PLEKHN1: variants seen among roughly 807,000 people sequenced by gnomAD.
PLEKHN1 encodes the protein pleckstrin homology domain containing N1, also known as pleckstrin homology domain-containing family N member 1.
A neutral mutation model predicts 72.8 loss-of-function variants in PLEKHN1; 68 were observed. The ratio of observed to expected loss-of-function variants is 0.93; its 90% CI spans 0.77 to 1.14. The LOEUF (loss-of-function observed/expected upper bound fraction) is 1.14, where lower values mean the gene tolerates loss of function less well. Among genes scored for constraint, PLEKHN1 ranks in the 50% most tolerant of loss-of-function variants. PLEKHN1 has a pLI of 0.00. For missense variants in PLEKHN1, 1,015 were observed against 840.5 expected (o/e 1.21, Z -2.57); for synonymous variants, 454 against 371.6 (o/e 1.22, Z -2.55).
rs1255022636 is a variant in PLEKHN1 at position 974,927 on chromosome 1, GAGAA to G, written c.*355_*358del. ...GCACGGGCGTGAAGGTCGGAGGACA[GAGAA>G]AGGTCAGCAGGGTCAGAGTATGTGA... On this transcript the variant is annotated 3_prime_UTR_variant, in exon 16 of 16. Transcript: ENST00000379410. 1 of 311,580 alleles carries G rather than the reference GAGAA, an allele frequency of 3.2e-6. No homozygotes were observed. The highest frequency in any genetic ancestry group is 6.1e-6 in the Non-Finnish European group (1 of 164,172). 19.3% of individuals were successfully genotyped at this position (311,580 alleles called of 1,614,324 possible).
rs1570042179 is a variant in PLEKHN1, at chr1:972,477, G to A, written c.1002+53G>A. 4.7e-6 allele frequency: 7 copies of A among 1,496,382 alleles called. No homozygotes were observed. In the East Asian group the frequency reaches 1.2e-4, roughly 26 times the overall value. 92.7% of individuals were successfully genotyped at this position (1,496,382 alleles called of 1,614,324 possible). A position where few individuals can be genotyped will look rare whatever the true frequency, so the allele number is the denominator to read the frequency against. On this transcript the variant is annotated intron_variant, in intron 10 of 15. Coordinates refer to ENST00000379410, the MANE Select transcript of PLEKHN1 (RefSeq NM_032129.3). ...AGGTCCTGGGCAGTGGTAAAAAGGG[G>A]GCAGCAGACCGGGCGTGGTGGCGCA... is the stretch of plus-strand genomic sequence containing the variant.
chr1:967,382 C>CG (rs1643063349), intron 2 of PLEKHN1, among the ~76,000 whole-genome samples: 1 of 151,918 alleles, frequency 6.6e-6, no homozygotes, highest in African/African-American at 2.4e-5. Flanking sequence ...GCCCACCCCC[C>CG]CCCCAGCCCC....
At chr1:973,471 A>G in intron 12 of PLEKHN1, 29 bp from the exon 13 acceptor site, 1 of 1,608,852 alleles carries the variant, frequency 6.2e-7, no homozygotes, top group South Asian at 1.1e-5. Context: ...CTAGCCGAGA[A>G]GCCCATTTCT....
At chr1:969,560 A>G (rs1643182827) in intron 2 of PLEKHN1, among the ~76,000 whole-genome samples, 1 of 151,386 alleles carries the variant, frequency 6.6e-6, no homozygotes, top group African/African-American at 2.4e-5. Flanking sequence ...GTATGTGTAT[A>G]CATGTGTATG....
At chr1:973,375 G>A (rs759075039) in intron 12 of PLEKHN1, 49 bp downstream of exon 12, 48 of 1,556,712 alleles carry the variant, frequency 3.1e-5, no homozygotes, top group Admixed American at 2.0e-4. Context: ...CCACCGTTCC[G>A]CACCACTGGT....
At chr1:974,122 G>C in intron 14 of PLEKHN1, 71 bp downstream of exon 14, 2 of 1,492,548 alleles carry the variant, frequency 1.3e-6, no homozygotes, top group Non-Finnish European at 1.8e-6. Context: ...GGGGCCTCTT[G>C]GGACTCTGAG....
At chr1:972,576 A>T (rs1229163472) in intron 10 of PLEKHN1, 152 bp downstream of exon 10, 1 of 1,072,774 alleles carries the variant, frequency 9.3e-7, no homozygotes, top group Non-Finnish European at 1.3e-6. Flanking sequence ...GATCAGCCTG[A>T]CCGACGTGGA....
chr1:975,058 A>C lies in PLEKHN1; in HGVS notation c.*483A>C, dbSNP rs6685581. ...TGGGTCCTTGTGTGGCCTGGCGCGCACCACAGGGCAGCACGGGAGACGTTG... is the reference window on the plus strand; with the variant it reads ...TGGGTCCTTGTGTGGCCTGGCGCGCCCCACAGGGCAGCACGGGAGACGTTG... On this transcript the variant is annotated 3_prime_UTR_variant, in exon 16 of 16. Transcript: ENST00000379410. 6.3e-6 allele frequency: 1 copy of C among 157,732 alleles called. No individual in the cohort carries two copies. The highest frequency in any genetic ancestry group is 2.4e-5 in the African/African-American group (1 of 41,168). 9.8% of individuals were successfully genotyped at this position (157,732 alleles called of 1,614,324 possible). A position where few individuals can be genotyped will look rare whatever the true frequency, so the allele number is the denominator to read the frequency against.
At chr1:969,155 G>T (rs1228137641) in intron 2 of PLEKHN1, among the ~76,000 whole-genome samples, 2 of 152,142 alleles carry the variant, frequency 1.3e-5, no homozygotes, top group East Asian at 3.8e-4. Flanking sequence ...GGAGGGTTTT[G>T]AGTGTTACCC....
intron 7 of PLEKHN1, 28 bp downstream of exon 7, chr1:971,236 G>C (rs1476379158): frequency 1.2e-5 from 18 of 1,560,604 alleles, no homozygotes; most frequent in Non-Finnish European, 1.6e-5. Context: ...GGGGCTGTAG[G>C]GGGATGGGAG....
Position 970,240 on chromosome 1 carries a change from A to C in PLEKHN1, c.184-37A>C, listed in dbSNP as rs1180830754. 1 of 1,600,846 alleles carries C rather than the reference A, an allele frequency of 6.2e-7. No individual in the cohort carries two copies. The highest frequency in any genetic ancestry group is 8.5e-7 in the Non-Finnish European group (1 of 1,172,884). Reference sequence around the variant, plus strand: ...TGCGAGCGGAGGGGGTGGGGGGCCCAGGGGAGGCCCCCTCCCCTGAGCTCT... The same window carrying C: ...TGCGAGCGGAGGGGGTGGGGGGCCCCGGGGAGGCCCCCTCCCCTGAGCTCT... On this transcript the variant is annotated intron_variant, in intron 2 of 15. Transcript: ENST00000379410. The surrounding 1 kb of genome is among the most constrained non-coding windows in gnomAD (Gnocchi z 4.2).
chr1:970,241 G>A lies in PLEKHN1; in HGVS notation c.184-36G>A, dbSNP rs368876607. The A allele has an allele frequency of 4.3e-5, 69 of 1,605,242 alleles. 1 individual carries two copies. In the African/African-American group the frequency reaches 8.0e-4, roughly 19 times the overall value. ...GCGAGCGGAGGGGGTGGGGGGCCCA[G>A]GGGAGGCCCCCTCCCCTGAGCTCTA... is the stretch of plus-strand genomic sequence containing the variant. On this transcript the variant is annotated intron_variant, in intron 2 of 15. Coordinates refer to ENST00000379410, the MANE Select transcript of PLEKHN1 (RefSeq NM_032129.3). The surrounding 1 kb of genome is among the most constrained non-coding windows in gnomAD (Gnocchi z 4.2).
In PLEKHN1 at chr1:975,861, C is replaced by G. The variant is rs1643581894; in HGVS notation, c.*1286C>G. On this transcript the variant is annotated 3_prime_UTR_variant, in exon 16 of 16. Coordinates refer to ENST00000379410, the MANE Select transcript of PLEKHN1 (RefSeq NM_032129.3). ...CAACTTCTTAGTAAAATGACCTCCC[C>G]ACTATTGCCTGTCTGAAATTAACCG... 2 of 365,378 alleles carry G rather than the reference C, an allele frequency of 5.5e-6. No homozygotes were observed. The highest frequency in any genetic ancestry group is 1.0e-4 in the South Asian group (2 of 19,672). The allele number at this position is 365,378 out of a possible 1,614,324, so 22.6% of individuals were successfully genotyped here. A position where few individuals can be genotyped will look rare whatever the true frequency, so the allele number is the denominator to read the frequency against.
chr1:974,382 C>T lies in PLEKHN1; in HGVS notation c.1702+18C>T. On this transcript the variant is annotated intron_variant, in intron 15 of 15. Transcript: ENST00000379410. ...TCTGACAGGTGAGTAAGGATCCTGC[C>T]TCCTGAGGTGAGTGCCTGTTGCCTC... 1 of 1,613,032 alleles carries T rather than the reference C, an allele frequency of 6.2e-7. No homozygotes were observed. Among genetic ancestry groups the T allele is most frequent in the South Asian group, 1.1e-5 (1 of 91,086 alleles).
chr1:969,960 A>G (rs1643219598), intron 2 of PLEKHN1, among the ~76,000 whole-genome samples: 1 of 152,110 alleles, frequency 6.6e-6, no homozygotes, highest in Non-Finnish European at 1.5e-5. Context: ...CTGAGTGTGC[A>G]GGTTCTGTGC....
chr1:974,399 T>C, intron 15 of PLEKHN1, 35 bp downstream of exon 15: 1 of 1,612,910 alleles, frequency 6.2e-7, no homozygotes, highest in Non-Finnish European at 8.5e-7. Flanking sequence ...GGTGAGTGCC[T>C]GTTGCCTCCC....
chr1:974,528 C>A lies in PLEKHN1; in HGVS notation c.1789C>A (p.Gln597Lys), dbSNP rs866006704. Residue 597 changes from glutamine (Q) to lysine (K), a missense_variant, in exon 16 of 16, where the codon CAG becomes AAG. By Grantham distance (53) the Gln-to-Lys change is moderately conservative. Coordinates refer to ENST00000379410, the MANE Select transcript of PLEKHN1 (RefSeq NM_032129.3). The stretch of plus-strand genomic sequence containing the variant: ...GTCTTCCTCCCACCAGAAGTGCCCC[C>A]AGCTTGGAGGGCCTGAGGCCAGTGG... ...TLSSSHQKCP[Q>K]LGGPEASGGL... The A allele has an allele frequency of 6.2e-7, 1 of 1,612,528 alleles. No homozygotes were observed.
In PLEKHN1 at chr1:970,729, G is replaced by T. The variant is rs759883954; in HGVS notation, c.455G>T (p.Gly152Val). 6.2e-7 allele frequency: 1 copy of T among 1,606,512 alleles called. No individual in the cohort carries two copies. Among genetic ancestry groups the T allele is most frequent in the Non-Finnish European group, 8.5e-7 (1 of 1,175,950 alleles). The change falls in exon 5 of 16, where the codon GGG becomes GTG. Residue 152 changes from glycine to valine, a missense_variant. Physicochemically the swap from Gly to Val is moderately radical, Grantham distance 109 (BLOSUM62 -3). Coordinates refer to ENST00000379410, the MANE Select transcript of PLEKHN1 (RefSeq NM_032129.3). This position sits in a 1 kb window ranked among gnomAD's most constrained non-coding sequence, Gnocchi z 4.2. ...LTELSVCPLE[G>V]SREHAFQITG... Reference sequence around the variant, plus strand: ...GAGCTGAGTGTCTGCCCGCTCGAGGGGTCCCGAGAGCACGCCTTCCAGATC... The same window carrying T: ...GAGCTGAGTGTCTGCCCGCTCGAGGTGTCCCGAGAGCACGCCTTCCAGATC...
At position 970,280 on chromosome 1, in the gene PLEKHN1, A is replaced by G. The variant is rs1233790018; in HGVS notation, c.187A>G (p.Ile63Val). ...KLFHYIPGTD[I>V]LDLENQRENL... ...CCCTGAGCTCTACTCCTCCTAGGAC[A>G]TCCTGGACCTGGAGAACCAGCGAGA... is the stretch of plus-strand genomic sequence containing the variant. Residue 63 changes from isoleucine to valine, a missense_variant, in exon 3 of 16, where the codon ATC (isoleucine) becomes GTC (valine). By Grantham distance (29) the Ile-to-Val change is conservative. Transcript: ENST00000379410. The surrounding 1 kb of genome is among the most constrained non-coding windows in gnomAD (Gnocchi z 4.2). 5 of 1,612,874 alleles carry G rather than the reference A, an allele frequency of 3.1e-6. No homozygotes were observed. Among genetic ancestry groups the G allele is most frequent in the South Asian group, 2.2e-5 (2 of 91,082 alleles).
Sources: gnomAD v4.1 joint callset for allele counts (sites outside exome capture counted in the v4.1 genomes callset) on GRCh38, gnomAD v4.1.1 for gene constraint, Gnocchi (gnomAD v3.1) non-coding constraint, MANE v1.5 for transcripts, NCBI Gene and HGNC (gene_info 2026-07-23, HGNC 2026-07-21) for gene names.